PTPRT: variants seen among roughly 807,000 people sequenced by gnomAD.
PTPRT encodes the protein receptor-type tyrosine-protein phosphatase T.
PTPRT carries 56 observed loss-of-function variants against 176.8 expected under a neutral mutation model. The observed-to-expected ratio is 0.32, with a 90% CI of 0.26 to 0.40. PTPRT has a LOEUF of 0.40. PTPRT is among the 10% of genes least tolerant of loss of function. The pLI, the probability that PTPRT is intolerant of heterozygous loss-of-function variation, is 1.00. For missense variants in PTPRT, 1,540 were observed against 1,908.2 expected, an observed-to-expected ratio of 0.81 and a Z score of 3.60; for synonymous variants, 783 against 739.0, an observed-to-expected ratio of 1.06 and a Z score of -0.96.
intron 7 of PTPRT, among the ~76,000 whole-genome samples, chr20:42,602,453 C>CT (rs1302163208): frequency 3.3e-5 from 5 of 152,156 alleles, no homozygotes; most frequent in Admixed American, 2.6e-4. Context: ...TGCTTACTTT[C>CT]TGCCGGACAC....
intron 8 of PTPRT, among the ~76,000 whole-genome samples, chr20:42,469,208 T>C (rs2071151624): frequency 1.3e-5 from 2 of 152,158 alleles, no homozygotes; most frequent in Non-Finnish European, 1.5e-5. Flanking sequence ...ACTTTAATTA[T>C]TCCTTTTTTG....
chr20:42,822,616 C>T (rs1353463075), intron 2 of PTPRT, among the ~76,000 whole-genome samples: 1 of 152,076 alleles, frequency 6.6e-6, no homozygotes, highest in East Asian at 1.9e-4. Flanking sequence ...GAACAGGCAA[C>T]CTACAGAATG....
chr20:42,108,922 T>TAAAC lies in PTPRT; in HGVS notation c.3254+1407_3254+1410dup, dbSNP rs145174586. Among the ~76,000 whole-genome samples the TAAAC allele has an allele frequency of 6.8e-3, 1,038 of 152,262 alleles. 13 individuals carry two copies. The highest frequency in any genetic ancestry group is 0.023 in the African/African-American group (943 of 41,574). On this transcript the variant is annotated intron_variant, in intron 23 of 30. Transcript: ENST00000373187. ...CCATCATGCGCCGAAGTCCTGATGA[T>TAAAC]AAACAAACATTTGCCATTGTCTTTC...
intron 1 of PTPRT, among the ~76,000 whole-genome samples, chr20:43,111,546 G>GAAAAA (rs11424029): frequency 2.4e-4 from 20 of 83,400 alleles, no homozygotes; most frequent in Non-Finnish European, 3.9e-4. Flanking sequence ...TCCGTCTCAG[G>GAAAAA]AAAAAAAAAA....
intron 1 of PTPRT, among the ~76,000 whole-genome samples, chr20:43,000,979 T>C (rs1984526691): frequency 6.6e-6 from 1 of 152,172 alleles, no homozygotes; most frequent in Non-Finnish European, 1.5e-5. Flanking sequence ...CTTGGTCACC[T>C]GCAAAGGAAA....
chr20:42,672,882 A>C (rs888346948), intron 7 of PTPRT, among the ~76,000 whole-genome samples: 3 of 152,218 alleles, frequency 2.0e-5, no homozygotes, highest in Admixed American at 2.0e-4. Context: ...CCAAGCTTGT[A>C]GCCTACTGCT....
chr20:43,038,300 A>G (rs997684651), intron 1 of PTPRT, among the ~76,000 whole-genome samples: 1 of 152,244 alleles, frequency 6.6e-6, no homozygotes, highest in South Asian at 2.1e-4. Context: ...ATCTAGCACT[A>G]TATTAAAGGA....
At chr20:42,481,375 A>G (rs578202573) in intron 7 of PTPRT, among the ~76,000 whole-genome samples, 1 of 152,284 alleles carries the variant, frequency 6.6e-6, no homozygotes, top group South Asian at 2.1e-4. Flanking sequence ...TTACAGGATT[A>G]TTCTTTATAA....
At chr20:42,205,702 C>T (rs893428856) in intron 15 of PTPRT, among the ~76,000 whole-genome samples, 1 of 152,144 alleles carries the variant, frequency 6.6e-6, no homozygotes, top group Non-Finnish European at 1.5e-5. Context: ...AGGCACTCTT[C>T]CTCTTCCCCA....
chr20:42,204,135 T>C (rs6072654), intron 15 of PTPRT, among the ~76,000 whole-genome samples: 30,782 of 152,164 alleles, frequency 0.2, 3,883 homozygotes, highest in South Asian at 0.39. Context: ...AACGCCTGCA[T>C]AAAATTAGCT....
intron 9 of PTPRT, among the ~76,000 whole-genome samples, chr20:42,415,069 A>T (rs1245182508): frequency 1.3e-5 from 2 of 152,216 alleles, no homozygotes; most frequent in African/African-American, 2.4e-5. Flanking sequence ...AACTGAAGGA[A>T]CATGTAAGTA....
chr20:42,223,497 C>A (rs960673500), intron 15 of PTPRT, among the ~76,000 whole-genome samples: 1 of 152,166 alleles, frequency 6.6e-6, no homozygotes, highest in Non-Finnish European at 1.5e-5. Flanking sequence ...GGCAAAAGCA[C>A]TGTTTAACGC....
chr20:42,608,486 A>G (rs532825261), intron 7 of PTPRT, among the ~76,000 whole-genome samples: 1 of 152,198 alleles, frequency 6.6e-6, no homozygotes, highest in South Asian at 2.1e-4. Flanking sequence ...TGTCTGGGGG[A>G]TAAACAATGC....
At chr20:42,048,878 G>C in the PTPRT span, among the ~76,000 whole-genome samples, 4 of 152,206 alleles carry the variant, frequency 2.6e-5, no homozygotes, top group Admixed American at 2.0e-4. Context: ...CTGGAGTGCA[G>C]TGGCGCAATC....
At chr20:42,655,282 G>T (rs182888108) in intron 7 of PTPRT, among the ~76,000 whole-genome samples, 15 of 152,334 alleles carry the variant, frequency 9.8e-5, no homozygotes, top group Admixed American at 5.2e-4. Flanking sequence ...TTGAGTTCAG[G>T]AGTTGGAGAC....
intron 6 of PTPRT, among the ~76,000 whole-genome samples, chr20:42,700,554 C>A (rs193296161): frequency 6.6e-6 from 1 of 152,326 alleles, no homozygotes; most frequent in Non-Finnish European, 1.5e-5. Flanking sequence ...AACAAGCCGA[C>A]CTTATTACTC....
intron 7 of PTPRT, among the ~76,000 whole-genome samples, chr20:42,655,115 A>G (rs2075102066): frequency 6.6e-6 from 1 of 152,198 alleles, no homozygotes; most frequent in Admixed American, 6.5e-5. Context: ...AAAGGTATGG[A>G]AGTAGCAAAA....
At chr20:42,197,190 A>T (rs1787731402) in intron 16 of PTPRT, among the ~76,000 whole-genome samples, 1 of 151,732 alleles carries the variant, frequency 6.6e-6, no homozygotes, top group East Asian at 2.0e-4. Flanking sequence ...CCATCCTGGC[A>T]AACACGGTGA....
intron 15 of PTPRT, among the ~76,000 whole-genome samples, chr20:42,205,879 T>G (rs2055445892): frequency 6.6e-6 from 1 of 152,164 alleles, no homozygotes; most frequent in African/African-American, 2.4e-5. Flanking sequence ...ACTGTCCTCT[T>G]TGAATCCAGG....
Sources: gnomAD v4.1 joint callset for allele counts (sites outside exome capture counted in the v4.1 genomes callset) on GRCh38, gnomAD v4.1.1 for gene constraint, MANE v1.5 for transcripts, NCBI Gene and HGNC (gene_info 2026-07-23, HGNC 2026-07-21) for gene names.